The following CRYZ variants were observed in gnomAD, a reference collection of about 807,000 sequenced individuals.
The protein encoded by CRYZ is crystallin zeta, also known as zeta-crystallin.
CRYZ carries 35 observed loss-of-function variants against 34.1 expected under a neutral mutation model. The ratio of observed to expected loss-of-function variants is 1.03; its 90% CI spans 0.78 to 1.36. The LOEUF is 1.36. CRYZ is among the 40% of genes most tolerant of loss of function. The pLI, the probability that CRYZ is intolerant of heterozygous loss-of-function variation, is 0.00. For synonymous variants in CRYZ, 137 were observed against 136.5 expected, an observed-to-expected ratio of 1.00 and a Z score of -0.03; for missense variants, 403 against 391.8, an observed-to-expected ratio of 1.03 and a Z score of -0.24.
chr1:74,724,346 C>T (rs1232124754), intron 2 of CRYZ, among the ~76,000 whole-genome samples: 2 of 152,074 alleles, frequency 1.3e-5, no homozygotes, highest in African/African-American at 4.8e-5. Context: ...CATGAAAAAG[C>T]ATGAATGCAA....
intron 1 of CRYZ, among the ~76,000 whole-genome samples, chr1:74,732,015 T>C (rs1201479351): frequency 6.6e-6 from 1 of 152,186 alleles, no homozygotes; most frequent in East Asian, 1.9e-4. Flanking sequence ...AAACCTGTAA[T>C]TGTGGGAATC....
At chr1:74,710,589 G>C (rs1386246361) in intron 5 of CRYZ, among the ~76,000 whole-genome samples, 1 of 152,202 alleles carries the variant, frequency 6.6e-6, no homozygotes, top group Non-Finnish European at 1.5e-5. Context: ...AGTTAGACCA[G>C]TCTGACTGCA....
At chr1:74,713,275 A>C (rs1418341635) in intron 5 of CRYZ, among the ~76,000 whole-genome samples, 1 of 152,150 alleles carries the variant, frequency 6.6e-6, no homozygotes, top group East Asian at 1.9e-4. Context: ...ATTTTCTTTA[A>C]ACTCTTCTCT....
intron 3 of CRYZ, among the ~76,000 whole-genome samples, chr1:74,722,467 G>C (rs999430566): frequency 1.2e-4 from 18 of 152,122 alleles, no homozygotes; most frequent in Admixed American, 5.2e-4. Context: ...CAGTCTTCCT[G>C]TACAGGGGCA....
intron 4 of CRYZ, among the ~76,000 whole-genome samples, chr1:74,718,505 A>C (rs1309474230): frequency 2.0e-5 from 3 of 152,168 alleles, no homozygotes; most frequent in African/African-American, 7.2e-5. Context: ...ATTTATTGAG[A>C]GATTACTCTG....
rs1451320892 is a variant in CRYZ at position 74,719,227 on chromosome 1, T to A, written c.410A>T (p.Tyr137Phe). ...TTATTACCTGTGGATCAGAGCTCGA[T>A]AAGCAGTAAAATATGGAATGCCGAT... ...AAIGIPYFTA[Y>F]RALIHSACVK... The change falls in exon 4 of 9, where the codon TAT (tyrosine) becomes TTT (phenylalanine). Residue 137 changes from tyrosine to phenylalanine, a missense_variant. Transcript: ENST00000340866. 6.2e-7 allele frequency: 1 copy of A among 1,613,780 alleles called. No individual in the cohort carries two copies.
At chr1:74,729,384 C>T (rs1647570548) in intron 1 of CRYZ, among the ~76,000 whole-genome samples, 1 of 151,412 alleles carries the variant, frequency 6.6e-6, no homozygotes, top group Admixed American at 6.6e-5. Flanking sequence ...ATTGTTTTCC[C>T]CTCTATTCTT....
intron 4 of CRYZ, among the ~76,000 whole-genome samples, chr1:74,718,603 G>T (rs867703641): frequency 2.0e-5 from 3 of 152,026 alleles, no homozygotes; most frequent in Non-Finnish European, 2.9e-5. Flanking sequence ...ACACCATACT[G>T]TTTTTCCCCA....
At chr1:74,721,490 C>T (rs1386312193) in intron 3 of CRYZ, among the ~76,000 whole-genome samples, 1 of 152,078 alleles carries the variant, frequency 6.6e-6, no homozygotes, top group Non-Finnish European at 1.5e-5. Context: ...AGAATGAAAA[C>T]AGAGGTGTAA....
At chr1:74,721,791 T>C (rs956018086) in intron 3 of CRYZ, among the ~76,000 whole-genome samples, 1 of 152,116 alleles carries the variant, frequency 6.6e-6, no homozygotes, top group African/African-American at 2.4e-5. Flanking sequence ...TTGTAAGAGA[T>C]TTCTGGAGGT....
At chr1:74,718,157 C>T (rs1366044799) in intron 4 of CRYZ, among the ~76,000 whole-genome samples, 1 of 152,058 alleles carries the variant, frequency 6.6e-6, no homozygotes, top group African/African-American at 2.4e-5. Context: ...TAAGTTCTTC[C>T]TCATTCTCTA....
rs770229059 is a variant in CRYZ at position 74,707,160 on chromosome 1, TA to T, written c.674del (p.Leu225Ter). The T allele has an allele frequency of 6.9e-5, 109 of 1,586,368 alleles. No individual in the cohort carries two copies. In the East Asian group the frequency reaches 2.1e-3, roughly 31 times the overall value. On this transcript the variant is annotated frameshift_variant, in exon 7 of 9. Coordinates refer to ENST00000340866, the MANE Select transcript of CRYZ (RefSeq NM_001889.4). LOFTEE classifies it high-confidence loss of function. ...AGTCTTTACTAAGATTTACATTAGC[TA>T]ACATTTCAATAATTATATCAATTCC... ...EKGIDIIIEM[L>X]ANVNLSKDLS...
At chr1:74,710,668 G>C (rs980661108) in intron 5 of CRYZ, among the ~76,000 whole-genome samples, 1 of 152,142 alleles carries the variant, frequency 6.6e-6, no homozygotes, top group Non-Finnish European at 1.5e-5. Context: ...CATGCTCTCT[G>C]ACTTCTTTGT....
At chr1:74,711,345 G>T (rs1266568629) in intron 5 of CRYZ, among the ~76,000 whole-genome samples, 1 of 152,190 alleles carries the variant, frequency 6.6e-6, no homozygotes, top group Non-Finnish European at 1.5e-5. Context: ...AAAATGGGAG[G>T]AGGAAGATCA....
At chr1:74,725,339 A>C (rs899960217) in intron 1 of CRYZ, among the ~76,000 whole-genome samples, 14 of 152,228 alleles carry the variant, frequency 9.2e-5, no homozygotes, top group Admixed American at 2.6e-4. Context: ...ATGGCTAGGG[A>C]GGTCTCACAA....
chr1:74,706,936 G>C lies in CRYZ; in HGVS notation c.791C>G (p.Ser264Trp). 5 of 1,612,624 alleles carry C rather than the reference G, an allele frequency of 3.1e-6. No individual in the cohort carries two copies. The highest frequency in any genetic ancestry group is 4.2e-6 in the Non-Finnish European group (5 of 1,179,200). The change falls in exon 8 of 9, where the codon TCG becomes TGG. Residue 264 changes from serine (S) to tryptophan (W), a missense_variant. By Grantham distance (177) the Ser-to-Trp change is radical (BLOSUM62 -3). Transcript: ENST00000340866. ...INPRDTMAKE[S>W]SIIGVTLFSS... is the part of the protein sequence containing the mutation. ...AAAGAGAGTAACTCCAATTATACTCGACTCCTTTGCCATGGTGTCTCGTGG... is the reference window on the plus strand; with the variant it reads ...AAAGAGAGTAACTCCAATTATACTCCACTCCTTTGCCATGGTGTCTCGTGG...
Position 74,710,176 on chromosome 1 carries a change from T to C in CRYZ, c.552A>G (p.Glu184=), listed in dbSNP as rs747080472. Residue 184 remains glutamate (E), a synonymous_variant, in exon 6 of 9, where the codon GAA becomes GAG. Coordinates refer to ENST00000340866, the MANE Select transcript of CRYZ (RefSeq NM_001889.4). ...LKILGTAGTE[E]GQKIVLQNGA... ...CATTTTGCAAAACAATCTTTTGTCC[T>C]TCCTCAGTACCAGCAGTGCCCAAAA... The C allele has an allele frequency of 3.1e-6, 5 of 1,613,900 alleles. No homozygotes were observed. The highest frequency in any genetic ancestry group is 3.3e-5 in the Admixed American group (2 of 60,026).
chr1:74,718,195 A>AT (rs1262074570), intron 4 of CRYZ, among the ~76,000 whole-genome samples: 1 of 151,934 alleles, frequency 6.6e-6, no homozygotes, highest in Non-Finnish European at 1.5e-5. Context: ...AATACCCCTG[A>AT]TTTTACCCCC....
Position 74,719,225 on chromosome 1 carries a change from G to T in CRYZ, c.412C>A (p.Arg138=), listed in dbSNP as rs777653390. 6.2e-6 allele frequency: 10 copies of T among 1,613,548 alleles called. No homozygotes were observed. In the South Asian group the frequency reaches 1.1e-4, roughly 18 times the overall value. Residue 138 remains arginine, a synonymous_variant, in exon 4 of 9, where the codon CGA becomes AGA. Transcript: ENST00000340866. ...TGTTATTACCTGTGGATCAGAGCTCGATAAGCAGTAAAATATGGAATGCCG... is the reference window on the plus strand; with the variant it reads ...TGTTATTACCTGTGGATCAGAGCTCTATAAGCAGTAAAATATGGAATGCCG... The part of the protein sequence containing the change: ...AIGIPYFTAY[R]ALIHSACVKA...
Sources: allele counts gnomAD v4.1 joint callset (sites outside exome capture counted in the v4.1 genomes callset), GRCh38; gene constraint gnomAD v4.1.1; transcripts MANE v1.5; gene names NCBI Gene and HGNC (gene_info 2026-07-23, HGNC 2026-07-21).